CIMAP2: variants seen among roughly 807,000 people sequenced by gnomAD.
CIMAP2 encodes the protein ciliary microtubule associated protein 2.
At chr1:54,828,488 C>T in the CIMAP2 span, among the ~76,000 whole-genome samples, 53 of 152,178 alleles carry the variant, frequency 3.5e-4, 1 homozygote, top group Admixed American at 1.7e-3. Context: ...TGTGCCACCA[C>T]ACCTGGCCAA....
At chr1:54,809,754 G>A in the CIMAP2 span, among the ~76,000 whole-genome samples, 1 of 152,104 alleles carries the variant, frequency 6.6e-6, no homozygotes, top group African/African-American at 2.4e-5. Flanking sequence ...CAAGCTGATG[G>A]CAGGGGAGCT....
At chr1:54,806,750 A>G in the CIMAP2 span, among the ~76,000 whole-genome samples, 5,599 of 149,468 alleles carry the variant, frequency 0.037, 276 homozygotes, top group East Asian at 0.17. Flanking sequence ...GTACATCTGT[A>G]AAACCTTGGG....
the CIMAP2 span, among the ~76,000 whole-genome samples, chr1:54,808,373 T>C: frequency 6.6e-6 from 1 of 152,012 alleles, no homozygotes; most frequent in East Asian, 1.9e-4. Flanking sequence ...AACCTACAGG[T>C]CGTGAGCAAC....
chr1:54,836,298 TGCC>T, the CIMAP2 span, among the ~76,000 whole-genome samples: 1 of 176 alleles, frequency 5.7e-3, no homozygotes, highest in African/African-American at 0.022. Flanking sequence ...CCTGCCTGCC[TGCC>T]TGCCTGCCTG....
chr1:54,819,581 G>T, the CIMAP2 span, among the ~76,000 whole-genome samples: 3 of 152,172 alleles, frequency 2.0e-5, no homozygotes, highest in Non-Finnish European at 4.4e-5. Flanking sequence ...ATGTTGCCAA[G>T]GCTTGTCTTG....
chr1:54,811,873 C>A, the CIMAP2 span: 2 of 1,612,644 alleles, frequency 1.2e-6, no homozygotes, highest in Non-Finnish European at 1.7e-6. Context: ...TGGAACCGGT[C>A]TCATTCCGAG....
At chr1:54,808,962 C>T in the CIMAP2 span, among the ~76,000 whole-genome samples, 2,201 of 11,798 alleles carry the variant, frequency 0.19, 58 homozygotes, top group East Asian at 0.45. Flanking sequence ...TGCCCTTCCT[C>T]CCTTGGCAGC....
chr1:54,833,755 G>T, the CIMAP2 span, among the ~76,000 whole-genome samples: 3 of 152,136 alleles, frequency 2.0e-5, no homozygotes, highest in Non-Finnish European at 4.4e-5. Flanking sequence ...TGGCCATGTG[G>T]ATATCAGAAC....
chr1:54,806,848 A>G, the CIMAP2 span: 98,757 of 750,644 alleles, frequency 0.13, 6,789 homozygotes, highest in Admixed American at 0.17. Flanking sequence ...TGGAACATTC[A>G]AAGCCACTGC....
At chr1:54,841,226 A>C in the CIMAP2 span, among the ~76,000 whole-genome samples, 1 of 152,238 alleles carries the variant, frequency 6.6e-6, no homozygotes, top group Non-Finnish European at 1.5e-5. Context: ...CTTGTTGGGG[A>C]GGACAGACAA....
chr1:54,811,355 G>A, the CIMAP2 span, among the ~76,000 whole-genome samples: 1 of 152,154 alleles, frequency 6.6e-6, no homozygotes, highest in African/African-American at 2.4e-5. Flanking sequence ...TCATTCCCAG[G>A]AGAGATGACA....
the CIMAP2 span, among the ~76,000 whole-genome samples, chr1:54,826,879 G>A: frequency 1.3e-5 from 2 of 152,254 alleles, no homozygotes; most frequent in Admixed American, 6.5e-5. Context: ...TCTACTCGCT[G>A]TTTTGGTCCT....
the CIMAP2 span, among the ~76,000 whole-genome samples, chr1:54,821,886 CTTTTTTTTTTTTTTT>C: frequency 3.1e-3 from 204 of 66,598 alleles, 14 homozygotes; most frequent in African/African-American, 0.011. Flanking sequence ...CCTCTTATTT[CTTTTTTTTTTTTTTT>C]TTTTTTTTTT....
chr1:54,811,969 G>C, the CIMAP2 span: 2 of 1,614,030 alleles, frequency 1.2e-6, no homozygotes, highest in South Asian at 2.2e-5. Flanking sequence ...CTGCCTTCCC[G>C]TCCTGCAGGG....
At chr1:54,814,762 C>G in the CIMAP2 span, 1 of 1,103,030 alleles carries the variant, frequency 9.1e-7, no homozygotes. Flanking sequence ...GCCCCTTTGC[C>G]GGGAGATAGC....
chr1:54,819,205 G>T, the CIMAP2 span, among the ~76,000 whole-genome samples: 1 of 152,150 alleles, frequency 6.6e-6, no homozygotes, highest in African/African-American at 2.4e-5. Context: ...TTGGCGATCA[G>T]AGGAAGGAGA....
chr1:54,811,766 C>CCGGGGGGGGGCGG, the CIMAP2 span: 1 of 1,305,188 alleles, frequency 7.7e-7, no homozygotes. Flanking sequence ...GTTCTGACAG[C>CCGGGGGGGGGCGG]CTCCATGCCC....
chr1:54,811,765 G>GCCGGGGGGGGGGGGGGGGGGGCC, the CIMAP2 span: 1 of 1,301,330 alleles, frequency 7.7e-7, no homozygotes. Flanking sequence ...GGTTCTGACA[G>GCCGGGGGGGGGGGGGGGGGGGCC]CCTCCATGCC....
chr1:54,814,963 C>T, the CIMAP2 span: 2 of 1,614,208 alleles, frequency 1.2e-6, no homozygotes, highest in Non-Finnish European at 8.5e-7. Context: ...AAATGCAAAC[C>T]CGTCAACCAG....
Sources: gnomAD v4.1 joint callset for allele counts (sites outside exome capture counted in the v4.1 genomes callset) on GRCh38, gnomAD v4.1.1 for gene constraint, MANE v1.5 for transcripts, NCBI Gene and HGNC (gene_info 2026-07-23, HGNC 2026-07-21) for gene names.